Variants in ADAMTS6 observed in about 807,000 individuals in gnomAD.
ADAMTS6 encodes ADAM metallopeptidase with thrombospondin type 1 motif 6, also known as A disintegrin and metalloproteinase with thrombospondin motifs 6.
Under a neutral mutation model 144.3 loss-of-function variants are expected in ADAMTS6, and 23 were observed. That is an observed-to-expected ratio of 0.16 (90% CI 0.11 to 0.23). The LOEUF (loss-of-function observed/expected upper bound fraction) is 0.23, where lower values mean the gene tolerates loss of function less well. Ranked by LOEUF, ADAMTS6 falls within the 10% of genes least tolerant of loss-of-function variation. The probability of loss-of-function intolerance (pLI) is 1.00; values close to 1 mark genes in which losing one functional copy is unlikely to be tolerated. For synonymous variants in ADAMTS6, 444 were observed against 457.5 expected, an observed-to-expected ratio of 0.97 and a Z score of 0.38; for missense variants, 999 against 1,379.6, an observed-to-expected ratio of 0.72 and a Z score of 4.37.
At chr5:65,186,992 GAAC>G (rs1250750764) in intron 22 of ADAMTS6, among the ~76,000 whole-genome samples, 1 of 152,136 alleles carries the variant, frequency 6.6e-6, no homozygotes, top group Non-Finnish European at 1.5e-5. Context: ...GGTTCCTAAA[GAAC>G]AACGTTTAAT....
intron 7 of ADAMTS6, among the ~76,000 whole-genome samples, chr5:65,411,297 A>G (rs767223201): frequency 1.3e-5 from 2 of 152,196 alleles, no homozygotes; most frequent in Admixed American, 1.3e-4. Context: ...TCCTTTGGAT[A>G]TGTACCTAGC....
At chr5:65,425,171 A>G (rs1417506525) in intron 7 of ADAMTS6, among the ~76,000 whole-genome samples, 1 of 152,026 alleles carries the variant, frequency 6.6e-6, no homozygotes, top group African/African-American at 2.4e-5. Flanking sequence ...TAATTTTTGT[A>G]TTTTTAGTGT....
intron 7 of ADAMTS6, among the ~76,000 whole-genome samples, chr5:65,392,074 C>G (rs1297120553): frequency 6.6e-6 from 1 of 152,082 alleles, no homozygotes; most frequent in Non-Finnish European, 1.5e-5. Flanking sequence ...TCTTCCCTTT[C>G]TTTTAATAAA....
rs541862387 is a variant in ADAMTS6, at chr5:65,433,930, A to G, written c.1073+17545T>C. Reference sequence around the variant, plus strand: ...GTATATACTCAAGAGAAATGAAAACACACATCCACACAAAAACTCCCACAT... The same window carrying G: ...GTATATACTCAAGAGAAATGAAAACGCACATCCACACAAAAACTCCCACAT... On this transcript the variant is annotated intron_variant, in intron 7 of 24. Coordinates refer to ENST00000381055, the MANE Select transcript of ADAMTS6 (RefSeq NM_197941.4). Among the ~76,000 whole-genome samples, 6 of 152,348 alleles carry G rather than the reference A, an allele frequency of 3.9e-5. No homozygotes were observed. The South Asian group carries it at 1.2e-3, about 32-fold the overall frequency.
At chr5:65,376,066 A>T (rs934160286) in intron 7 of ADAMTS6, among the ~76,000 whole-genome samples, 4 of 149,738 alleles carry the variant, frequency 2.7e-5, no homozygotes, top group South Asian at 4.3e-4. Context: ...AACAATGAGA[A>T]CACATGGACA....
At chr5:65,397,941 A>G (rs1354658003) in intron 7 of ADAMTS6, among the ~76,000 whole-genome samples, 1 of 150,398 alleles carries the variant, frequency 6.6e-6, no homozygotes, top group Non-Finnish European at 1.5e-5. Context: ...CTTTCCAGTT[A>G]TCTTGCTGTG....
chr5:65,181,408 A>G (rs1269145181), intron 22 of ADAMTS6, among the ~76,000 whole-genome samples: 2 of 152,228 alleles, frequency 1.3e-5, no homozygotes, highest in Non-Finnish European at 2.9e-5. Context: ...TTAAAGCTTA[A>G]TATTATCACT....
In ADAMTS6 at chr5:65,398,447, G is replaced by A. The variant is rs556680424; in HGVS notation, c.1073+53028C>T. On this transcript the variant is annotated intron_variant, in intron 7 of 24. Transcript: ENST00000381055. ...CTATCAGAAATTAATACAGCTGGCC[G>A]GGTGCGGTGGCTCACGCCTGTAATC... 6.6e-5 allele frequency among the ~76,000 whole-genome samples: 10 copies of A among 152,248 alleles called. No homozygotes were observed. The East Asian group carries it at 1.5e-3, about 24-fold the overall frequency.
At chr5:65,438,247 G>A (rs1335348656) in intron 7 of ADAMTS6, among the ~76,000 whole-genome samples, 1 of 152,290 alleles carries the variant, frequency 6.6e-6, no homozygotes, top group Non-Finnish European at 1.5e-5. Flanking sequence ...AAAGATTCTG[G>A]CCAGGCGTGG....
chr5:65,472,469 T>C (rs1021937246), intron 2 of ADAMTS6, among the ~76,000 whole-genome samples: 1 of 152,194 alleles, frequency 6.6e-6, no homozygotes, highest in African/African-American at 2.4e-5. Flanking sequence ...TTTTATACCT[T>C]AAATGGGTGA....
At chr5:65,338,114 A>T (rs1747476824) in intron 7 of ADAMTS6, among the ~76,000 whole-genome samples, 1 of 152,238 alleles carries the variant, frequency 6.6e-6, no homozygotes, top group South Asian at 2.1e-4. Context: ...CTGAAATAAA[A>T]TTGGAAAATG....
chr5:65,196,415 T>C (rs898717446), intron 21 of ADAMTS6, among the ~76,000 whole-genome samples: 22 of 146,898 alleles, frequency 1.5e-4, no homozygotes, highest in Admixed American at 4.2e-4. Flanking sequence ...CCCAGGTACT[T>C]GGGAGGCTGA....
At chr5:65,223,744 C>T (rs1757499581) in intron 18 of ADAMTS6, among the ~76,000 whole-genome samples, 1 of 151,456 alleles carries the variant, frequency 6.6e-6, no homozygotes, top group Non-Finnish European at 1.5e-5. Context: ...TATATCTTAG[C>T]TATTGTGAAT....
At chr5:65,460,382 T>G in intron 3 of ADAMTS6, 44 bp from the exon 4 acceptor site, 2 of 1,508,384 alleles carry the variant, frequency 1.3e-6, no homozygotes, top group Non-Finnish European at 1.8e-6. Context: ...AGAATCATTT[T>G]AAATATTAGT....
At chr5:65,265,413 GC>G (rs1761535601) in intron 12 of ADAMTS6, among the ~76,000 whole-genome samples, 1 of 151,976 alleles carries the variant, frequency 6.6e-6, no homozygotes. Context: ...TATGTTAATT[GC>G]ATCAGATCTG....
intron 12 of ADAMTS6, among the ~76,000 whole-genome samples, chr5:65,265,289 A>G (rs1443343681): frequency 6.6e-6 from 1 of 152,136 alleles, no homozygotes; most frequent in Non-Finnish European, 1.5e-5. Context: ...CCAATAATAT[A>G]GTATCAACCC....
At chr5:65,307,957 A>C (rs960240279) in intron 9 of ADAMTS6, among the ~76,000 whole-genome samples, 1 of 152,210 alleles carries the variant, frequency 6.6e-6, no homozygotes, top group African/African-American at 2.4e-5. Context: ...CCTCTGGGAC[A>C]TACACTTACA....
At position 65,340,235 on chromosome 5, in the gene ADAMTS6, G is replaced by GA. The variant is rs540402127; in HGVS notation, c.1074-6151dup. ...AGAAGGTGTATTTAAAGCACTGAAAGAAAAAAAAAATATGCCACCAAAGAA... is the reference window on the plus strand; with the variant it reads ...AGAAGGTGTATTTAAAGCACTGAAAGAAAAAAAAAAATATGCCACCAAAGAA... On this transcript the variant is annotated intron_variant, in intron 7 of 24. Coordinates refer to ENST00000381055, the MANE Select transcript of ADAMTS6 (RefSeq NM_197941.4). Among the ~76,000 whole-genome samples the GA allele has an allele frequency of 2.4e-3, 346 of 147,094 alleles. 1 individual carries two copies. The highest frequency in any genetic ancestry group is 3.1e-3 in the Non-Finnish European group (207 of 66,404).
intron 7 of ADAMTS6, among the ~76,000 whole-genome samples, chr5:65,373,457 C>T (rs982602632): frequency 6.0e-5 from 9 of 150,594 alleles, no homozygotes; most frequent in African/African-American, 2.2e-4. Context: ...ATACAAACTA[C>T]CATCAGAGAA....
Sources: gnomAD v4.1 joint callset for allele counts (sites outside exome capture counted in the v4.1 genomes callset) on GRCh38, gnomAD v4.1.1 for gene constraint, MANE v1.5 for transcripts, NCBI Gene and HGNC (gene_info 2026-07-23, HGNC 2026-07-21) for gene names.